Variants in PHACTR2 observed in about 807,000 individuals in gnomAD.
PHACTR2 encodes phosphatase and actin regulator 2, also known as chromosome 6 open reading frame 56.
Under a neutral mutation model 76.0 loss-of-function variants are expected in PHACTR2, and 30 were observed. The observed-to-expected ratio is 0.39, with a 90% CI of 0.30 to 0.54. The LOEUF (loss-of-function observed/expected upper bound fraction) is 0.54. Among genes scored for constraint, PHACTR2 ranks in the 20% least tolerant of loss-of-function variants. The pLI is 0.61. For synonymous variants in PHACTR2, 292 were observed against 292.5 expected, an observed-to-expected ratio of 1.00 and a Z score of 0.02; for missense variants, 696 against 781.1, an observed-to-expected ratio of 0.89 and a Z score of 1.30.
rs1386758194 is a variant in PHACTR2, at chr6:143,633,552, A to G, written c.13+25230A>G. ...ATATTTTGGGTAACCATCATTTATC[A>G]GATATGTCTTCTGCAAGTAGTTTTT... On this transcript the variant is annotated intron_variant, in intron 1 of 11. Transcript: ENST00000305766. The surrounding 1 kb of genome is among the most constrained non-coding windows in gnomAD (Gnocchi z 4.1). Among the ~76,000 whole-genome samples the G allele has an allele frequency of 1.3e-5, 2 of 152,178 alleles. No individual in the cohort carries two copies. Among genetic ancestry groups the G allele is most frequent in the African/African-American group, 4.8e-5 (2 of 41,438 alleles).
Position 143,641,656 on chromosome 6 carries a change from A to G in PHACTR2, c.13+33334A>G, listed in dbSNP as rs1350328049. On this transcript the variant is annotated intron_variant, in intron 1 of 11. Transcript: ENST00000305766. This position sits in a 1 kb window ranked among gnomAD's most constrained non-coding sequence, Gnocchi z 5.8. Reference sequence around the variant, plus strand: ...TGAGTAGCTGGGATTACAGGCATGCACCACCCTGCCCAGCTAATTTTGTAT... The same window carrying G: ...TGAGTAGCTGGGATTACAGGCATGCGCCACCCTGCCCAGCTAATTTTGTAT... 1.3e-5 allele frequency among the ~76,000 whole-genome samples: 2 copies of G among 151,836 alleles called. No individual in the cohort carries two copies. Among genetic ancestry groups the G allele is most frequent in the Non-Finnish European group, 2.9e-5 (2 of 67,964 alleles).
At chr6:143,691,960 G>A (rs1425194385) in intron 1 of PHACTR2, among the ~76,000 whole-genome samples, 1 of 152,158 alleles carries the variant, frequency 6.6e-6, no homozygotes, top group Non-Finnish European at 1.5e-5. Flanking sequence ...GCCTCTGTTT[G>A]TACTTCAGGC....
At chr6:143,668,343 G>A (rs576218375) in intron 1 of PHACTR2, among the ~76,000 whole-genome samples, 2 of 152,034 alleles carry the variant, frequency 1.3e-5, no homozygotes, top group South Asian at 4.1e-4. Flanking sequence ...TTCTTTTTTT[G>A]TGGTGTCTCT....
chr6:143,563,551 CAAAAAA>C (rs76587878), intron 1 of PHACTR2, among the ~76,000 whole-genome samples: 1 of 29,948 alleles, frequency 3.3e-5, no homozygotes, highest in African/African-American at 8.3e-5. Flanking sequence ...AACTCCGTCT[CAAAAAA>C]AAAAAAAAAA....
intron 11 of PHACTR2, among the ~76,000 whole-genome samples, chr6:143,796,399 CTTTCTTT>C (rs1775822821): frequency 6.7e-6 from 1 of 148,734 alleles, no homozygotes; most frequent in Non-Finnish European, 1.5e-5. Flanking sequence ...TTCTTTCTTT[CTTTCTTT>C]CTTTCTTTCT....
At chr6:143,732,501 C>T (rs1313355209) in intron 2 of PHACTR2, among the ~76,000 whole-genome samples, 1 of 152,174 alleles carries the variant, frequency 6.6e-6, no homozygotes, top group East Asian at 1.9e-4. Context: ...TATGAATATA[C>T]CACATTTTAT....
At chr6:143,636,803 C>T (rs148785641) in intron 1 of PHACTR2, among the ~76,000 whole-genome samples, 18 of 152,292 alleles carry the variant, frequency 1.2e-4, no homozygotes, top group Middle Eastern at 3.4e-3. Flanking sequence ...GATACATACC[C>T]AACTCACCAA....
rs1053717445 is a variant in PHACTR2, at chr6:143,652,374, A to G, written c.13+44052A>G. Among the ~76,000 whole-genome samples the G allele has an allele frequency of 2.6e-5, 4 of 151,976 alleles. No homozygotes were observed. Among genetic ancestry groups the G allele is most frequent in the Non-Finnish European group, 5.9e-5 (4 of 68,008 alleles). ...CTCTGCCTGGCTGCATCAGCTAGAC[A>G]AAGGTACCTGCGCTGCTGTTTGTTT... On this transcript the variant is annotated intron_variant, in intron 1 of 11. Transcript: ENST00000305766. The surrounding 1 kb of genome is among the most constrained non-coding windows in gnomAD (Gnocchi z 4.5).
At chr6:143,687,859 G>A (rs576334697) in intron 1 of PHACTR2, among the ~76,000 whole-genome samples, 2 of 152,120 alleles carry the variant, frequency 1.3e-5, no homozygotes, top group African/African-American at 2.4e-5. Flanking sequence ...TTTTATGAGG[G>A]GATATTAAGA....
At chr6:143,650,791 A>G (rs1205597434) in intron 1 of PHACTR2, among the ~76,000 whole-genome samples, 1 of 152,210 alleles carries the variant, frequency 6.6e-6, no homozygotes, top group Non-Finnish European at 1.5e-5. Context: ...TCATGACGAA[A>G]ACACCAAAAT....
intron 2 of PHACTR2, among the ~76,000 whole-genome samples, chr6:143,726,027 T>G (rs1778561089): frequency 6.6e-6 from 1 of 152,220 alleles, no homozygotes; most frequent in Non-Finnish European, 1.5e-5. Context: ...GGGTTGTTTC[T>G]AGTTTGGGGT....
In PHACTR2 at chr6:143,617,333, T is replaced by C. The variant is rs986158743; in HGVS notation, c.13+9011T>C. Among the ~76,000 whole-genome samples the C allele has an allele frequency of 5.9e-5, 9 of 152,220 alleles. No homozygotes were observed. The highest frequency in any genetic ancestry group is 1.0e-4 in the Non-Finnish European group (7 of 68,026). On this transcript the variant is annotated intron_variant, in intron 1 of 11. Transcript: ENST00000305766. The surrounding 1 kb of genome is among the most constrained non-coding windows in gnomAD (Gnocchi z 4.8). ...GATTACTCTCCAGTTGAGTCTTCCC[T>C]TCCCAACCAGATTTAAAAGTCTTGA...
Position 143,654,109 on chromosome 6 carries a change from A to G in PHACTR2, c.13+45787A>G, listed in dbSNP as rs1776807162. Among the ~76,000 whole-genome samples, 3 of 152,364 alleles carry G rather than the reference A, an allele frequency of 2.0e-5. No homozygotes were observed. The highest frequency in any genetic ancestry group is 2.1e-4 in the South Asian group (1 of 4,822). On this transcript the variant is annotated intron_variant, in intron 1 of 11. Transcript: ENST00000305766. This position sits in a 1 kb window ranked among gnomAD's most constrained non-coding sequence, Gnocchi z 4.6. ...AGATATCTAATAAACACATGAAAAG[A>G]TGCTCAGCATCATTAACCATCAGGG... is the stretch of plus-strand genomic sequence containing the variant.
chr6:143,703,088 C>T (rs533867826), intron 1 of PHACTR2, among the ~76,000 whole-genome samples: 1 of 147,532 alleles, frequency 6.8e-6, no homozygotes, highest in African/African-American at 2.5e-5. Flanking sequence ...GCAGGTGGAT[C>T]ACTTGAGTCC....
At chr6:143,666,100 T>A (rs1372986513) in intron 1 of PHACTR2, among the ~76,000 whole-genome samples, 2 of 151,210 alleles carry the variant, frequency 1.3e-5, no homozygotes, top group Non-Finnish European at 2.9e-5. Flanking sequence ...ATTGTTCAAC[T>A]CCCACTTATG....
At chr6:143,594,610 C>T (rs1242092495) in intron 1 of PHACTR2, among the ~76,000 whole-genome samples, 1 of 152,250 alleles carries the variant, frequency 6.6e-6, no homozygotes, top group Non-Finnish European at 1.5e-5. Flanking sequence ...TGAATGAAAA[C>T]TGGGTATTGC....
chr6:143,754,095 T>G lies in PHACTR2; in HGVS notation c.454+183T>G. On this transcript the variant is annotated intron_variant, in intron 4 of 12. Coordinates refer to ENST00000440869, the MANE Select transcript of PHACTR2 (RefSeq NM_001100164.2). The surrounding 1 kb of genome is among the most constrained non-coding windows in gnomAD (Gnocchi z 6.2). The stretch of plus-strand genomic sequence containing the variant: ...CGGATGATTTTCTCAGGTAGATGCA[T>G]CCATTTTATAAGCACAGTATTTGTT... 1 of 415,778 alleles carries G rather than the reference T, an allele frequency of 2.4e-6. No individual in the cohort carries two copies. The highest frequency in any genetic ancestry group is 4.3e-6 in the Non-Finnish European group (1 of 234,818). The allele number at this position is 415,778 out of a possible 1,614,324, so 25.8% of individuals were successfully genotyped here.
At position 143,780,940 on chromosome 6, in the gene PHACTR2, A is replaced by C. The variant is rs2128477455; in HGVS notation, c.1646-2279A>C. Among the ~76,000 whole-genome samples, 1 of 152,368 alleles carries C rather than the reference A, an allele frequency of 6.6e-6. No individual in the cohort carries two copies. Among genetic ancestry groups the C allele is most frequent in the South Asian group, 2.1e-4 (1 of 4,826 alleles). On this transcript the variant is annotated intron_variant, in intron 9 of 12. Coordinates refer to ENST00000440869, the MANE Select transcript of PHACTR2 (RefSeq NM_001100164.2). This position sits in a 1 kb window ranked among gnomAD's most constrained non-coding sequence, Gnocchi z 4.4. ...GGTGTATTTTCAAATACTGAGTTTA[A>C]GGTTTAAACTTGACTCTATGAGAGA...
chr6:143,752,141 TAACTA>T (rs1779196005), intron 3 of PHACTR2, among the ~76,000 whole-genome samples: 1 of 152,118 alleles, frequency 6.6e-6, no homozygotes, highest in African/African-American at 2.4e-5. Context: ...ATCAGTTATT[TAACTA>T]AAGAATTTTA....
Sources: allele counts gnomAD v4.1 joint callset (sites outside exome capture counted in the v4.1 genomes callset), GRCh38; gene constraint gnomAD v4.1.1; non-coding constraint Gnocchi (gnomAD v3.1); transcripts MANE v1.5; gene names NCBI Gene and HGNC (gene_info 2026-07-23, HGNC 2026-07-21).